Variants in UGGT2 observed in about 807,000 individuals in gnomAD.
The protein encoded by UGGT2 is UDP-glucose:glycoprotein glucosyltransferase 2.
A neutral mutation model predicts 192.1 loss-of-function variants in UGGT2; 180 were observed. The observed-to-expected ratio is 0.94, with a 90% CI of 0.83 to 1.06. UGGT2 has a LOEUF of 1.06. UGGT2 is among the 50% of genes least tolerant of loss of function. The pLI is 0.00. For synonymous variants in UGGT2, 580 were observed against 591.0 expected (o/e 0.98, Z 0.27); for missense variants, 1,849 against 1,795.7 (o/e 1.03, Z -0.54).
intron 38 of UGGT2, among the ~76,000 whole-genome samples, chr13:95,826,354 A>T (rs1211361862): frequency 2.0e-5 from 3 of 152,150 alleles, no homozygotes; most frequent in Non-Finnish European, 4.4e-5. Context: ...GTATAAGTCA[A>T]AGCAAGTAAA....
chr13:95,855,496 TG>T (rs1218869988), intron 34 of UGGT2, among the ~76,000 whole-genome samples: 1 of 127,010 alleles, frequency 7.9e-6, no homozygotes, highest in Non-Finnish European at 1.8e-5. Context: ...GGGCCTTGGG[TG>T]TTTTTTTTTT....
At chr13:95,916,173 C>T (rs12865249) in intron 20 of UGGT2, among the ~76,000 whole-genome samples, 1 of 152,146 alleles carries the variant, frequency 6.6e-6, no homozygotes, top group South Asian at 2.1e-4. Flanking sequence ...TCTGTACCCC[C>T]CTAGGACAGA....
chr13:95,882,140 C>A (rs1369762250), intron 27 of UGGT2, among the ~76,000 whole-genome samples: 2 of 152,092 alleles, frequency 1.3e-5, no homozygotes, highest in African/African-American at 4.8e-5. Context: ...AAACTCCTGA[C>A]CTCATGATCC....
chr13:95,912,103 A>G (rs577107015), intron 20 of UGGT2, among the ~76,000 whole-genome samples: 1 of 152,332 alleles, frequency 6.6e-6, no homozygotes, highest in African/African-American at 2.4e-5. Context: ...AATAAGAGCT[A>G]TTTATGACAA....
chr13:96,035,321 C>T (rs1378546339), intron 1 of UGGT2, among the ~76,000 whole-genome samples: 1 of 152,158 alleles, frequency 6.6e-6, no homozygotes, highest in Non-Finnish European at 1.5e-5. Context: ...AAAGGATTCC[C>T]TATTTAATAA....
intron 24 of UGGT2, among the ~76,000 whole-genome samples, chr13:95,892,452 CAGA>C (rs2047829030): frequency 2.0e-5 from 3 of 151,908 alleles, no homozygotes; most frequent in Non-Finnish European, 4.4e-5. Context: ...TGTCATTAGC[CAGA>C]AGAATACTGT....
chr13:95,964,011 C>A (rs1254273393), intron 12 of UGGT2, among the ~76,000 whole-genome samples: 8 of 151,900 alleles, frequency 5.3e-5, no homozygotes, highest in African/African-American at 2.4e-5. Flanking sequence ...TCGTATGGAA[C>A]CAAACAAGAA....
chr13:96,028,619 TTGCTG>T, intron 2 of UGGT2, among the ~76,000 whole-genome samples: 1 of 152,218 alleles, frequency 6.6e-6, no homozygotes, highest in Non-Finnish European at 1.5e-5. Context: ...AAGTCTTAAT[TTGCTG>T]GCATATAATA....
In UGGT2 at chr13:95,900,867, CA is replaced by C; in HGVS notation, c.2573del (p.Leu858CysfsTer23). 1.9e-6 allele frequency: 3 copies of C among 1,611,702 alleles called. No homozygotes were observed. The highest frequency in any genetic ancestry group is 2.5e-6 in the Non-Finnish European group (3 of 1,179,072). ...GTAATTTAAGTACATCTTGACAGAA[CA>C]ACTGGTGAGTTCGAAAAATATTCAC... ...VGVNIFRTHQ[L>X]FCQDVLKLRP... On this transcript the variant is annotated frameshift_variant, in exon 22 of 39. Coordinates refer to ENST00000376747, the MANE Select transcript of UGGT2 (RefSeq NM_020121.4). LOFTEE classifies it high-confidence loss of function.
chr13:96,023,415 C>T (rs1190197066), intron 3 of UGGT2, among the ~76,000 whole-genome samples: 1 of 151,966 alleles, frequency 6.6e-6, no homozygotes, highest in Non-Finnish European at 1.5e-5. Flanking sequence ...TATTTGTCCT[C>T]ATAATTTCCT....
At chr13:95,856,563 T>C in intron 33 of UGGT2, 2 of 506,024 alleles carry the variant, frequency 4.0e-6, no homozygotes, top group Non-Finnish European at 6.8e-6. Context: ...TTTAACGTCA[T>C]TAAAAATAAG....
At chr13:95,852,565 G>GT (rs1317896903) in intron 36 of UGGT2, among the ~76,000 whole-genome samples, 1 of 152,046 alleles carries the variant, frequency 6.6e-6, no homozygotes, top group Non-Finnish European at 1.5e-5. Flanking sequence ...TCTTGTTTTT[G>GT]TTTTCTGATG....
At chr13:95,970,749 AAAGTATTACTGTAAAC>A in intron 11 of UGGT2, among the ~76,000 whole-genome samples, 1 of 152,324 alleles carries the variant, frequency 6.6e-6, no homozygotes, top group South Asian at 2.1e-4. Context: ...AACATAATAG[AAAGTATTACTGTAAAC>A]AACAACATCA....
At chr13:95,985,914 T>C (rs987020916) in intron 9 of UGGT2, among the ~76,000 whole-genome samples, 2 of 152,130 alleles carry the variant, frequency 1.3e-5, no homozygotes, top group African/African-American at 4.8e-5. Flanking sequence ...TACCAATCAT[T>C]TGGACTCTGA....
intron 10 of UGGT2, among the ~76,000 whole-genome samples, chr13:95,973,208 A>T (rs768324140): frequency 9.9e-5 from 15 of 151,986 alleles, no homozygotes; most frequent in Non-Finnish European, 2.2e-4. Context: ...AAATAAAAAT[A>T]AAAATTAAGC....
intron 31 of UGGT2, among the ~76,000 whole-genome samples, chr13:95,862,673 T>C (rs1486603769): frequency 6.6e-6 from 1 of 152,142 alleles, no homozygotes; most frequent in African/African-American, 2.4e-5. Context: ...TTGGTACTGT[T>C]TGGAAAGAGG....
intron 7 of UGGT2, among the ~76,000 whole-genome samples, chr13:95,992,735 G>A (rs1374870890): frequency 6.6e-6 from 1 of 152,002 alleles, no homozygotes; most frequent in Non-Finnish European, 1.5e-5. Flanking sequence ...ACCCTCTCAC[G>A]CCAGTCAGAA....
At chr13:95,839,740 A>G (rs1887667397) in intron 36 of UGGT2, among the ~76,000 whole-genome samples, 1 of 152,220 alleles carries the variant, frequency 6.6e-6, no homozygotes, top group Non-Finnish European at 1.5e-5. Context: ...ACACTATTCT[A>G]CATTCCAAAT....
chr13:95,967,871 TTAGGG>T (rs1383818086), intron 12 of UGGT2, among the ~76,000 whole-genome samples: 2 of 152,204 alleles, frequency 1.3e-5, no homozygotes, highest in African/African-American at 2.4e-5. Flanking sequence ...GTGGTTATTA[TTAGGG>T]TATTTACATT....
Sources: gnomAD v4.1 joint callset for allele counts (sites outside exome capture counted in the v4.1 genomes callset) on GRCh38, gnomAD v4.1.1 for gene constraint, MANE v1.5 for transcripts, NCBI Gene and HGNC (gene_info 2026-07-23, HGNC 2026-07-21) for gene names.